PLD1: variants seen among roughly 807,000 people sequenced by gnomAD.
PLD1 encodes phospholipase D1.
PLD1 carries 112 observed loss-of-function variants against 137.1 expected under a neutral mutation model. The ratio of observed to expected loss-of-function variants is 0.82; its 90% CI spans 0.70 to 0.96. The LOEUF is 0.96. PLD1 is among the 40% of genes least tolerant of loss of function. The pLI is 0.00. For synonymous variants in PLD1, 431 were observed against 454.7 expected, an observed-to-expected ratio of 0.95 and a Z score of 0.66; for missense variants, 1,321 against 1,342.0, an observed-to-expected ratio of 0.98 and a Z score of 0.24.
At chr3:171,644,168 C>G (rs1411234131) in intron 22 of PLD1, among the ~76,000 whole-genome samples, 1 of 152,194 alleles carries the variant, frequency 6.6e-6, no homozygotes, top group Non-Finnish European at 1.5e-5. Flanking sequence ...TGAGAAACTA[C>G]AGGTGGTTCA....
At chr3:171,713,852 C>A in intron 9 of PLD1, 41 bp downstream of exon 9, 1 of 1,535,116 alleles carries the variant, frequency 6.5e-7, no homozygotes. Context: ...GTTTTTAAGG[C>A]ATTTTTGTAG....
intron 11 of PLD1, among the ~76,000 whole-genome samples, chr3:171,702,330 T>A (rs1716317681): frequency 6.6e-6 from 1 of 151,314 alleles, no homozygotes; most frequent in South Asian, 2.1e-4. Flanking sequence ...TACGAAAAAA[T>A]TTAAAAAATT....
intron 21 of PLD1, among the ~76,000 whole-genome samples, chr3:171,658,856 A>T (rs1000119416): frequency 5.9e-5 from 9 of 152,248 alleles, no homozygotes; most frequent in African/African-American, 2.2e-4. Flanking sequence ...TAAATATGAC[A>T]TACGGTAACA....
In PLD1 at chr3:171,687,589, GA is replaced by G. The variant is rs113017286; in HGVS notation, c.1540-6del. 2.1e-4 allele frequency: 332 copies of G among 1,558,192 alleles called. No individual in the cohort carries two copies. The highest frequency in any genetic ancestry group is 2.5e-4 in the Non-Finnish European group (286 of 1,136,214). On this transcript the variant is annotated splice_region_variant and splice_polypyrimidine_tract_variant and intron_variant, in intron 14 of 26. Coordinates refer to ENST00000351298, the MANE Select transcript of PLD1 (RefSeq NM_002662.5). ...CATAGACTCCATTGCGGCAGGCTGAGAAAAATTTTTTTTTAAAAAAAGACAC... is the reference window on the plus strand; with the variant it reads ...CATAGACTCCATTGCGGCAGGCTGAGAAAATTTTTTTTTAAAAAAAGACAC...
At chr3:171,714,395 T>C (rs546243841) in intron 8 of PLD1, among the ~76,000 whole-genome samples, 1 of 152,292 alleles carries the variant, frequency 6.6e-6, no homozygotes, top group South Asian at 2.1e-4. Flanking sequence ...CCATTTACAG[T>C]GAATGCAAAT....
intron 1 of PLD1, among the ~76,000 whole-genome samples, chr3:171,742,579 C>T (rs193098779): frequency 1.3e-5 from 2 of 151,656 alleles, no homozygotes; most frequent in East Asian, 1.9e-4. Flanking sequence ...AATGTATGAA[C>T]GTAAAAAAAA....
chr3:171,698,811 C>CAA (rs11359377), intron 12 of PLD1, among the ~76,000 whole-genome samples: 19 of 103,952 alleles, frequency 1.8e-4, no homozygotes, highest in South Asian at 3.4e-4. Flanking sequence ...TACAAAAATA[C>CAA]AAAAAAAAAA....
intron 23 of PLD1, among the ~76,000 whole-genome samples, chr3:171,638,921 G>T (rs1383488184): frequency 6.6e-6 from 1 of 152,040 alleles, no homozygotes; most frequent in Non-Finnish European, 1.5e-5. Context: ...GATGGAAAAA[G>T]AATTCATGCC....
intron 8 of PLD1, among the ~76,000 whole-genome samples, chr3:171,721,934 T>C (rs1718157708): frequency 1.3e-5 from 2 of 152,194 alleles, no homozygotes; most frequent in African/African-American, 4.8e-5. Context: ...TTGTTGGTAG[T>C]ATATCTTAAA....
At chr3:171,718,891 G>C (rs1321756745) in intron 8 of PLD1, among the ~76,000 whole-genome samples, 3 of 152,078 alleles carry the variant, frequency 2.0e-5, no homozygotes, top group African/African-American at 7.2e-5. Context: ...CAATACATGC[G>C]AACTATTATA....
At chr3:171,656,667 G>C (rs1299190561) in intron 21 of PLD1, among the ~76,000 whole-genome samples, 1 of 152,252 alleles carries the variant, frequency 6.6e-6, no homozygotes. Context: ...GCAAAAGTCA[G>C]TGGTGATTTT....
At chr3:171,762,865 A>G (rs1721502517) in intron 1 of PLD1, among the ~76,000 whole-genome samples, 1 of 152,182 alleles carries the variant, frequency 6.6e-6, no homozygotes, top group Non-Finnish European at 1.5e-5. Flanking sequence ...AAGAGTGTAA[A>G]TTTCAGTTTA....
intron 11 of PLD1, among the ~76,000 whole-genome samples, chr3:171,701,631 A>T (rs1716244977): frequency 6.6e-6 from 1 of 152,244 alleles, no homozygotes; most frequent in African/African-American, 2.4e-5. Flanking sequence ...TTTGAGGATA[A>T]TGCATAAAAA....
At chr3:171,733,771 T>C (rs1272821614) in intron 5 of PLD1, among the ~76,000 whole-genome samples, 1 of 152,348 alleles carries the variant, frequency 6.6e-6, no homozygotes, top group East Asian at 1.9e-4. Flanking sequence ...TGACAAGCCC[T>C]ATTATATGTA....
intron 23 of PLD1, among the ~76,000 whole-genome samples, chr3:171,639,846 CTCTA>C (rs1411410077): frequency 1.4e-4 from 15 of 103,826 alleles, no homozygotes; most frequent in Non-Finnish European, 2.7e-4. Context: ...CTCTCTCTCT[CTCTA>C]TATATATATA....
intron 23 of PLD1, among the ~76,000 whole-genome samples, chr3:171,632,156 T>C (rs919611112): frequency 1.3e-5 from 2 of 152,132 alleles, no homozygotes; most frequent in Admixed American, 6.6e-5. Context: ...CAAAAAAGCA[T>C]AAGCTAAATC....
In PLD1 at chr3:171,605,334, A is replaced by C; in HGVS notation, c.2965T>G (p.Ser989Ala). ...SDKFFKEVWV[S>A]TAARNATIYD... ...ATTGTAGCATTTCGAGCTGCTGTTG[A>C]AACCCACACCTCCTTGAAGAATTTG... is the stretch of plus-strand genomic sequence containing the variant. The change falls in exon 26 of 27, where the codon TCA becomes GCA. Residue 989 changes from serine (S) to alanine (A), a missense_variant. By Grantham distance (99) the Ser-to-Ala change is moderately conservative (BLOSUM62 1). Coordinates refer to ENST00000351298, the MANE Select transcript of PLD1 (RefSeq NM_002662.5). The C allele has an allele frequency of 6.2e-7, 1 of 1,612,998 alleles. No homozygotes were observed. The highest frequency in any genetic ancestry group is 8.5e-7 in the Non-Finnish European group (1 of 1,178,980).
At chr3:171,775,242 A>T (rs1466878837) in intron 1 of PLD1, among the ~76,000 whole-genome samples, 1 of 152,106 alleles carries the variant, frequency 6.6e-6, no homozygotes, top group East Asian at 1.9e-4. Flanking sequence ...CACATTAGTT[A>T]TTGCAATATC....
rs1731802282 is a variant in PLD1, at chr3:171,601,078, T to G, written c.*2000A>C. On this transcript the variant is annotated 3_prime_UTR_variant, in exon 27 of 27. Transcript: ENST00000351298. ...TCTGTTTACTGCATATCCTCATTCT[T>G]GGGCAATGATAAAGTGAAGAGAGAG... 6.6e-6 allele frequency: 1 copy of G among 152,204 alleles called. No individual in the cohort carries two copies. Among genetic ancestry groups the G allele is most frequent in the Non-Finnish European group, 1.5e-5 (1 of 68,034 alleles). 9.4% of individuals were successfully genotyped at this position (152,204 alleles called of 1,614,324 possible). A position where few individuals can be genotyped will look rare whatever the true frequency, so the allele number is the denominator to read the frequency against.
Sources: gnomAD v4.1 joint callset for allele counts (sites outside exome capture counted in the v4.1 genomes callset) on GRCh38, gnomAD v4.1.1 for gene constraint, MANE v1.5 for transcripts, NCBI Gene and HGNC (gene_info 2026-07-23, HGNC 2026-07-21) for gene names.